TBC1D9: variants seen among roughly 807,000 people sequenced by gnomAD.
The protein encoded by TBC1D9 is TBC1 domain family member 9, also known as TBC1 domain family member 9A.
Under a neutral mutation model 132.0 loss-of-function variants are expected in TBC1D9, and 63 were observed. That is an observed-to-expected ratio of 0.48 (90% CI 0.39 to 0.59). TBC1D9 has a LOEUF of 0.59. TBC1D9 is among the 20% of genes least tolerant of loss of function. TBC1D9 has a pLI of 0.00. For synonymous variants in TBC1D9, 610 were observed against 609.9 expected (o/e 1.00, Z 0.00); for missense variants, 1,261 against 1,592.7 (o/e 0.79, Z 3.54).
chr4:140,684,058 G>A (rs1021326285), intron 3 of TBC1D9, among the ~76,000 whole-genome samples: 4 of 152,034 alleles, frequency 2.6e-5, no homozygotes, highest in Non-Finnish European at 4.4e-5. Flanking sequence ...AAAAAAAGAC[G>A]AGAACAAAAT....
chr4:140,714,164 G>A (rs1468096541), intron 1 of TBC1D9, among the ~76,000 whole-genome samples: 1 of 152,198 alleles, frequency 6.6e-6, no homozygotes, highest in Admixed American at 6.5e-5. Context: ...ATGAAAAGAT[G>A]AGCCACTTCC....
intron 13 of TBC1D9, chr4:140,645,003 C>A: frequency 6.5e-6 from 3 of 465,110 alleles, no homozygotes; most frequent in East Asian, 5.9e-5. Flanking sequence ...GCTGCCCGAG[C>A]GGGACAACCA....
intron 15 of TBC1D9, among the ~76,000 whole-genome samples, chr4:140,636,154 A>G (rs1736876459): frequency 6.6e-6 from 1 of 152,214 alleles, no homozygotes; most frequent in African/African-American, 2.4e-5. Flanking sequence ...GAGAGCCCAC[A>G]GACCATCATT....
intron 1 of TBC1D9, among the ~76,000 whole-genome samples, chr4:140,704,257 C>G (rs1028918633): frequency 3.3e-5 from 5 of 151,900 alleles, no homozygotes; most frequent in Middle Eastern, 3.4e-3. Flanking sequence ...AAAAATTAGC[C>G]AGGCACAATG....
intron 16 of TBC1D9, among the ~76,000 whole-genome samples, chr4:140,628,593 G>C (rs1736744324): frequency 6.6e-6 from 1 of 152,120 alleles, no homozygotes; most frequent in South Asian, 2.1e-4. Flanking sequence ...TCTGTACCTC[G>C]GTTTCCCCTC....
In TBC1D9 at chr4:140,670,720, C is replaced by T; in HGVS notation, c.1266G>A (p.Glu422=). 6.2e-7 allele frequency: 1 copy of T among 1,613,172 alleles called. No homozygotes were observed. Among genetic ancestry groups the T allele is most frequent in the Non-Finnish European group, 8.5e-7 (1 of 1,179,682 alleles). The change falls in exon 7 of 21, where the codon GAG becomes GAA. Residue 422 remains glutamate, a splice_region_variant and synonymous_variant. Transcript: ENST00000442267. Reference sequence around the variant, plus strand: ...ATACTTTCAGGTGTCTCCCACAGACCTCATCATCTGAACTGTTGTAACTTC... The same window carrying T: ...ATACTTTCAGGTGTCTCCCACAGACTTCATCATCTGAACTGTTGTAACTTC... The part of the protein sequence containing the change: ...FAGSYNSSDD[E]VYSRPSSLVS...
At chr4:140,638,931 T>G (rs181560552) in intron 15 of TBC1D9, among the ~76,000 whole-genome samples, 155 bp downstream of exon 15, 1 of 152,344 alleles carries the variant, frequency 6.6e-6, no homozygotes, top group East Asian at 1.9e-4. Flanking sequence ...ATAAGAATGT[T>G]TATTTTCATA....
At chr4:140,660,107 T>A (rs1737333927) in intron 10 of TBC1D9, among the ~76,000 whole-genome samples, 1 of 152,234 alleles carries the variant, frequency 6.6e-6, no homozygotes, top group Admixed American at 6.5e-5. Flanking sequence ...ATTTCCTTTG[T>A]AACTTTCCGT....
At chr4:140,683,041 C>T (rs987758773) in intron 3 of TBC1D9, among the ~76,000 whole-genome samples, 1 of 152,088 alleles carries the variant, frequency 6.6e-6, no homozygotes, top group African/African-American at 2.4e-5. Flanking sequence ...CATGCACCAC[C>T]ACGCCTGGCT....
At chr4:140,639,009 A>G in intron 15 of TBC1D9, 77 bp downstream of exon 15, 1 of 1,079,620 alleles carries the variant, frequency 9.3e-7, no homozygotes. Context: ...TTTAACAGAA[A>G]AATCAAGAAC....
At chr4:140,650,306 C>A (rs1737169508) in intron 13 of TBC1D9, among the ~76,000 whole-genome samples, 2 of 152,170 alleles carry the variant, frequency 1.3e-5, no homozygotes, top group African/African-American at 4.8e-5. Flanking sequence ...CAGTAATCTT[C>A]AAATAAAACA....
intron 13 of TBC1D9, chr4:140,643,988 G>A: frequency 1.8e-6 from 1 of 555,288 alleles, no homozygotes; most frequent in Admixed American, 2.3e-5. Context: ...CTTCCTCCGG[G>A]TCCTCCCGCA....
intron 1 of TBC1D9, among the ~76,000 whole-genome samples, chr4:140,718,575 AT>A (rs1364728872): frequency 1.3e-5 from 2 of 152,240 alleles, no homozygotes; most frequent in Non-Finnish European, 2.9e-5. Flanking sequence ...AAGCCACATG[AT>A]TAGGAAATTA....
rs1335878025 is a variant in TBC1D9 at position 140,679,211 on chromosome 4, C to T, written c.590-8G>A. 6.2e-7 allele frequency: 1 copy of T among 1,610,336 alleles called. No individual in the cohort carries two copies. The highest frequency in any genetic ancestry group is 8.5e-7 in the Non-Finnish European group (1 of 1,177,630). ...ACCGGATGACCAGTTTCGCTGAGCA[C>T]AAGGAACAAGCCTGGGTCAACATCT... On this transcript the variant is annotated splice_polypyrimidine_tract_variant and splice_region_variant and intron_variant, in intron 4 of 20. Transcript: ENST00000442267.
Position 140,620,917 on chromosome 4 carries a change from G to A in TBC1D9, c.*1278C>T, listed in dbSNP as rs1329309249. 4 of 152,514 alleles carry A rather than the reference G, an allele frequency of 2.6e-5. No individual in the cohort carries two copies. The highest frequency in any genetic ancestry group is 7.2e-5 in the African/African-American group (3 of 41,432). 9.4% of individuals were successfully genotyped at this position (152,514 alleles called of 1,614,324 possible). A position where few individuals can be genotyped will look rare whatever the true frequency, so the allele number is the denominator to read the frequency against. On this transcript the variant is annotated 3_prime_UTR_variant, in exon 21 of 21. Transcript: ENST00000442267. Reference sequence around the variant, plus strand: ...GCAATAGCTAAAAAAAGGACACAATGTATAATAAAATAAAGGAATGTGTTG... The same window carrying A: ...GCAATAGCTAAAAAAAGGACACAATATATAATAAAATAAAGGAATGTGTTG...
intron 1 of TBC1D9, among the ~76,000 whole-genome samples, chr4:140,754,845 A>C (rs1738984003): frequency 6.6e-6 from 1 of 152,136 alleles, no homozygotes; most frequent in African/African-American, 2.4e-5. Flanking sequence ...ATTGTACCAC[A>C]TGACACCTGA....
chr4:140,681,865 C>A (rs1737707032), intron 3 of TBC1D9, among the ~76,000 whole-genome samples: 1 of 152,176 alleles, frequency 6.6e-6, no homozygotes, highest in Non-Finnish European at 1.5e-5. Context: ...CCTGTGAAAC[C>A]AGCCCAATTC....
At position 140,733,026 on chromosome 4, in the gene TBC1D9, T is replaced by G. The variant is rs942715347; in HGVS notation, c.130+22890A>C. The stretch of plus-strand genomic sequence containing the variant: ...CAGACTGTCTCCTTGACGTTAGAGC[T>G]GAGTGTCAGTTTCCATTTATCACCT... On this transcript the variant is annotated intron_variant, in intron 1 of 20. Coordinates refer to ENST00000442267, the MANE Select transcript of TBC1D9 (RefSeq NM_015130.3). Among the ~76,000 whole-genome samples the G allele has an allele frequency of 1.9e-4, 29 of 152,208 alleles. 1 individual carries two copies. The highest frequency in any genetic ancestry group is 7.0e-4 in the African/African-American group (29 of 41,462).
rs116745015 is a variant in TBC1D9 at position 140,674,960 on chromosome 4, C to T, written c.1059+1934G>A. ...CTGGCCTCAAGCAGTCCTCCTGCCC[C>T]GGCTTCCCAAATTTCTGGGATTACA... On this transcript the variant is annotated intron_variant, in intron 6 of 20. Transcript: ENST00000442267. 7.5e-3 allele frequency among the ~76,000 whole-genome samples: 1,135 copies of T among 152,146 alleles called. 7 individuals carry two copies. The highest frequency in any genetic ancestry group is 0.025 in the African/African-American group (1,038 of 41,510).
Sources: gnomAD v4.1 joint callset for allele counts (sites outside exome capture counted in the v4.1 genomes callset) on GRCh38, gnomAD v4.1.1 for gene constraint, MANE v1.5 for transcripts, NCBI Gene and HGNC (gene_info 2026-07-23, HGNC 2026-07-21) for gene names.